CD163L1: variants seen among roughly 807,000 people sequenced by gnomAD.
CD163L1 encodes scavenger receptor cysteine-rich type 1 protein M160.
A neutral mutation model predicts 165.4 loss-of-function variants in CD163L1; 124 were observed. The ratio of observed to expected loss-of-function variants is 0.75; its 90% confidence interval spans 0.65 to 0.87. The LOEUF (loss-of-function observed/expected upper bound fraction) is 0.87, where lower values mean the gene tolerates loss of function less well. Among genes scored for constraint, CD163L1 ranks in the 40% least tolerant of loss-of-function variants. CD163L1 has a pLI of 0.00. For missense variants in CD163L1, 1,525 were observed against 1,799.9 expected (o/e 0.85, Z 2.76); for synonymous variants, 585 against 662.2 (o/e 0.88, Z 1.79).
At chr12:7,333,119 T>A in the CD163L1 span, among the ~76,000 whole-genome samples, 2 of 152,078 alleles carry the variant, frequency 1.3e-5, no homozygotes, top group Non-Finnish European at 2.9e-5. Flanking sequence ...GGAATTGAAC[T>A]CAGCTCTGCA....
rs369718580 is a variant in CD163L1, at chr12:7,421,517, A to C, written c.766+10899T>G. Among the ~76,000 whole-genome samples, 15 of 130,634 alleles carry C rather than the reference A, an allele frequency of 1.1e-4. No individual in the cohort carries two copies. The South Asian group carries it at 2.2e-3, about 19-fold the overall frequency. 85.7% of individuals were successfully genotyped at this position (130,634 alleles called of 152,430 possible). ...CATATATGTACATATACATATACAT[A>C]TATGTACATATATACATATACGTAC... On this transcript the variant is annotated intron_variant, in intron 4 of 19. Transcript: ENST00000313599.
chr12:7,420,127 A>G (rs759242323), intron 4 of CD163L1, among the ~76,000 whole-genome samples: 2 of 152,274 alleles, frequency 1.3e-5, no homozygotes, highest in African/African-American at 4.8e-5. Context: ...TATTCAACAA[A>G]TGGTACTGGG....
chr12:7,353,672 CAA>C (rs983150700), downstream of CD163L1, among the ~76,000 whole-genome samples: 4 of 151,978 alleles, frequency 2.6e-5, no homozygotes, highest in African/African-American at 9.7e-5. Context: ...AGAGGACAGA[CAA>C]AAGAGTGACA....
At chr12:7,426,779 A>G (rs762904337) in intron 4 of CD163L1, among the ~76,000 whole-genome samples, 30 of 152,266 alleles carry the variant, frequency 2.0e-4, no homozygotes, top group Admixed American at 1.9e-3. Context: ...TTAAGAAAAA[A>G]CATGGTCCAA....
At chr12:7,332,252 G>C in the CD163L1 span, among the ~76,000 whole-genome samples, 1 of 152,144 alleles carries the variant, frequency 6.6e-6, no homozygotes, top group African/African-American at 2.4e-5. Flanking sequence ...AAAAAGAAAT[G>C]AACAAAGCCT....
chr12:7,439,128 T>G, intron 2 of CD163L1: 1 of 1,573,188 alleles, frequency 6.4e-7, no homozygotes, highest in Middle Eastern at 1.7e-4. Context: ...GTGTTTTGTT[T>G]CTCTTCTCTG....
In CD163L1 at chr12:7,398,526, C is replaced by T; in HGVS notation, c.1467G>A (p.Leu489=). ...VGAHSPCYGR[L]EVKYQGEWGT... ...CCCACTCTCCTTGGTATTTCACCTC[C>T]AATCTCCCATAACAGGGGCTATGAG... The change falls in exon 7 of 20, where the codon TTG becomes TTA. Residue 489 remains leucine (L), a synonymous_variant. Coordinates refer to ENST00000313599, the MANE Select transcript of CD163L1 (RefSeq NM_174941.6). The surrounding 1 kb of genome is among the most constrained non-coding windows in gnomAD (Gnocchi z 4.5). The T allele has an allele frequency of 6.2e-7, 1 of 1,612,762 alleles. No individual in the cohort carries two copies. Among genetic ancestry groups the T allele is most frequent in the Non-Finnish European group, 8.5e-7 (1 of 1,179,318 alleles).
At chr12:7,387,322 A>G (rs2136465834) in intron 8 of CD163L1, among the ~76,000 whole-genome samples, 1 of 152,360 alleles carries the variant, frequency 6.6e-6, no homozygotes, top group South Asian at 2.1e-4. Context: ...GATGAATGCA[A>G]TTAAGGAAGA....
At chr12:7,375,642 C>T in intron 10 of CD163L1, 47 bp from the exon 11 acceptor site, 1 of 1,610,318 alleles carries the variant, frequency 6.2e-7, no homozygotes, top group Non-Finnish European at 8.5e-7. Flanking sequence ...CTTATCAGCT[C>T]CAGCCCCAAA....
At chr12:7,417,814 C>T (rs139853376) in intron 4 of CD163L1, among the ~76,000 whole-genome samples, 1,565 of 151,616 alleles carry the variant, frequency 0.01, 27 homozygotes, top group African/African-American at 0.033. Context: ...TTTAGTTTGC[C>T]GGTATTTTAT....
chr12:7,383,555 TC>T (rs1947456345), intron 8 of CD163L1, among the ~76,000 whole-genome samples: 1 of 151,958 alleles, frequency 6.6e-6, no homozygotes, highest in African/African-American at 2.4e-5. Flanking sequence ...CCACCTAGGG[TC>T]CCATGGACAG....
intron 18 of CD163L1, among the ~76,000 whole-genome samples, chr12:7,366,408 T>C (rs1947022195): frequency 6.6e-6 from 1 of 152,154 alleles, no homozygotes; most frequent in Non-Finnish European, 1.5e-5. Context: ...GTTTCTGGTA[T>C]AATAAAAAGA....
intron 4 of CD163L1, among the ~76,000 whole-genome samples, chr12:7,348,220 CTG>C (rs1235661525): frequency 9.9e-5 from 15 of 152,186 alleles, no homozygotes; most frequent in Admixed American, 3.3e-4. Context: ...TGCAACCACT[CTG>C]TGCAAGGGGA....
chr12:7,439,832 C>T, intron 2 of CD163L1: 4 of 1,613,594 alleles, frequency 2.5e-6, no homozygotes, highest in Non-Finnish European at 2.5e-6. Context: ...TCTCCGTCCT[C>T]CTCACTGTCG....
At chr12:7,322,396 C>G in the CD163L1 span, 2 of 1,612,980 alleles carry the variant, frequency 1.2e-6, no homozygotes, top group South Asian at 1.1e-5. Context: ...TTGAAAAGAC[C>G]CATGCAACTC....
intron 8 of CD163L1, among the ~76,000 whole-genome samples, chr12:7,394,817 T>C (rs1947737240): frequency 6.6e-6 from 1 of 152,198 alleles, no homozygotes; most frequent in Admixed American, 6.5e-5. Context: ...AGAAGACATC[T>C]ATGCATCCAA....
At chr12:7,331,685 A>T in the CD163L1 span, among the ~76,000 whole-genome samples, 1 of 152,198 alleles carries the variant, frequency 6.6e-6, no homozygotes, top group Non-Finnish European at 1.5e-5. Context: ...TCTGGAATGG[A>T]CCTCCAGCAA....
At chr12:7,419,871 C>A (rs1308204228) in intron 4 of CD163L1, among the ~76,000 whole-genome samples, 1 of 151,976 alleles carries the variant, frequency 6.6e-6, no homozygotes, top group African/African-American at 2.4e-5. Context: ...TCCTAGAAAT[C>A]ATATGGAACC....
intron 4 of CD163L1, among the ~76,000 whole-genome samples, chr12:7,421,442 T>TATAC (rs755919214): frequency 4.0e-5 from 5 of 124,734 alleles, no homozygotes; most frequent in Non-Finnish European, 8.0e-5. Context: ...CATATATACA[T>TATAC]ATACATATAT....
Sources: gnomAD v4.1 joint callset for allele counts (sites outside exome capture counted in the v4.1 genomes callset) on GRCh38, gnomAD v4.1.1 for gene constraint, Gnocchi (gnomAD v3.1) non-coding constraint, MANE v1.5 for transcripts, NCBI Gene and HGNC (gene_info 2026-07-23, HGNC 2026-07-21) for gene names.